DLG1: variants seen among roughly 807,000 people sequenced by gnomAD.
The protein encoded by DLG1 is disks large homolog 1.
A neutral mutation model predicts 123.4 loss-of-function variants in DLG1; 42 were observed. That is an observed-to-expected ratio of 0.34 (90% CI 0.27 to 0.44). DLG1 has a LOEUF of 0.44. Among genes scored for constraint, DLG1 ranks in the 20% least tolerant of loss-of-function variants. The probability of loss-of-function intolerance (pLI) is 1.00; values close to 1 mark genes in which losing one functional copy is unlikely to be tolerated. For missense variants in DLG1, 942 were observed against 1,082.6 expected (o/e 0.87, Z 1.82); for synonymous variants, 317 against 356.2 (o/e 0.89, Z 1.24).
chr3:197,097,679 C>G (rs1253684406), intron 14 of DLG1, among the ~76,000 whole-genome samples: 1 of 147,774 alleles, frequency 6.8e-6, no homozygotes, highest in Non-Finnish European at 1.5e-5. Context: ...CTCCTGGGTT[C>G]AAGTGATTCT....
intron 4 of DLG1, among the ~76,000 whole-genome samples, chr3:197,206,724 A>G (rs1728703020): frequency 6.6e-6 from 1 of 152,208 alleles, no homozygotes; most frequent in African/African-American, 2.4e-5. Flanking sequence ...GATACAAGAA[A>G]AAAAACTATG....
At chr3:197,290,610 T>TA (rs965836408) in intron 3 of DLG1, among the ~76,000 whole-genome samples, 5 of 151,584 alleles carry the variant, frequency 3.3e-5, no homozygotes, top group African/African-American at 1.2e-4. Context: ...AAAATTATAT[T>TA]AAAAAAAAGT....
chr3:197,290,897 T>TAAACAA (rs1774518350), intron 3 of DLG1, among the ~76,000 whole-genome samples: 1 of 87,970 alleles, frequency 1.1e-5, no homozygotes, highest in Non-Finnish European at 2.1e-5. Flanking sequence ...CTCCAAATAG[T>TAAACAA]AAAAAAAAAA....
chr3:197,292,465 G>A (rs909234323), intron 3 of DLG1, among the ~76,000 whole-genome samples: 11 of 152,320 alleles, frequency 7.2e-5, no homozygotes, highest in African/African-American at 2.6e-4. Flanking sequence ...GAGGAAAGGG[G>A]AGCAGTTGTT....
intron 23 of DLG1, 56 bp from the exon 24 acceptor site, chr3:197,051,724 A>C: frequency 7.3e-6 from 10 of 1,364,436 alleles, no homozygotes; most frequent in Non-Finnish European, 9.3e-6. Context: ...TTTTAAAAAA[A>C]AGATGGCAAA....
chr3:197,147,432 GCACACACACACACACA>G lies in DLG1; in HGVS notation c.537+2295_537+2310del, dbSNP rs67643945. 3.0e-3 allele frequency among the ~76,000 whole-genome samples: 448 copies of G among 147,194 alleles called. 4 individuals carry two copies. The highest frequency in any genetic ancestry group is 6.1e-3 in the African/African-American group (242 of 39,702). ...TGAGTGGATAAAAAATATATGGTGTGCACACACACACACACACACACACACACACACACACACACCA... is the reference window on the plus strand; with the variant it reads ...TGAGTGGATAAAAAATATATGGTGTGCACACACACACACACACACACACCA... On this transcript the variant is annotated intron_variant, in intron 6 of 24. Transcript: ENST00000667157.
intron 23 of DLG1, among the ~76,000 whole-genome samples, chr3:197,056,710 C>CT (rs1731920531): frequency 1.3e-5 from 2 of 152,140 alleles, no homozygotes; most frequent in African/African-American, 4.8e-5. Context: ...TTAGAAAAAT[C>CT]GTATCATACA....
At chr3:197,186,159 A>G (rs1184578215) in intron 5 of DLG1, among the ~76,000 whole-genome samples, 1 of 152,210 alleles carries the variant, frequency 6.6e-6, no homozygotes, top group African/African-American at 2.4e-5. Context: ...ATTGGCCAGT[A>G]GTCAGTATAT....
intron 4 of DLG1, among the ~76,000 whole-genome samples, chr3:197,279,551 T>C (rs973669858): frequency 1.1e-4 from 17 of 152,176 alleles, no homozygotes; most frequent in Non-Finnish European, 4.4e-5. Context: ...CCATATTCTC[T>C]TCTCATCTAC....
At chr3:197,283,113 A>G (rs1249653326) in intron 3 of DLG1, among the ~76,000 whole-genome samples, 1 of 152,242 alleles carries the variant, frequency 6.6e-6, no homozygotes, top group Non-Finnish European at 1.5e-5. Context: ...CCAACTAGCT[A>G]CAAGTTCAGG....
In DLG1 at chr3:197,126,228, C is replaced by T. The variant is rs149739838; in HGVS notation, c.1165+4299G>A. Among the ~76,000 whole-genome samples the T allele has an allele frequency of 1.7e-4, 26 of 152,146 alleles. No homozygotes were observed. In the South Asian group the frequency reaches 2.5e-3, roughly 15 times the overall value. On this transcript the variant is annotated intron_variant, in intron 11 of 24. Transcript: ENST00000667157. Reference sequence around the variant, plus strand: ...CGGTGGCTCATGCCTATAATCCCAGCGCTTTGGGAGGCCGAAGTGGGTGGA... The same window carrying T: ...CGGTGGCTCATGCCTATAATCCCAGTGCTTTGGGAGGCCGAAGTGGGTGGA...
At chr3:197,081,484 T>A (rs1443745386) in intron 16 of DLG1, among the ~76,000 whole-genome samples, 1 of 152,214 alleles carries the variant, frequency 6.6e-6, no homozygotes, top group Non-Finnish European at 1.5e-5. Context: ...AAAATTAAGC[T>A]AGAGAAAGCA....
chr3:197,084,775 T>G (rs941504990), intron 16 of DLG1, among the ~76,000 whole-genome samples: 27 of 151,252 alleles, frequency 1.8e-4, no homozygotes, highest in Non-Finnish European at 2.2e-4. Context: ...TTTATATATA[T>G]AGATAGATAT....
Position 197,071,681 on chromosome 3 carries a change from T to C in DLG1, c.2006-2421A>G, listed in dbSNP as rs994496708. On this transcript the variant is annotated intron_variant, in intron 18 of 24. Coordinates refer to ENST00000667157, the MANE Select transcript of DLG1 (RefSeq NM_001366207.1). ...GACAGTCAAATAACCAATAAACATATAGAAAAGTGTTCAAGTTAATTACTT... is the reference window on the plus strand; with the variant it reads ...GACAGTCAAATAACCAATAAACATACAGAAAAGTGTTCAAGTTAATTACTT... Among the ~76,000 whole-genome samples, 7 of 152,148 alleles carry C rather than the reference T, an allele frequency of 4.6e-5. No individual in the cohort carries two copies. The East Asian group carries it at 5.8e-4, about 13-fold the overall frequency.
At chr3:197,282,430 T>C (rs1475873643) in intron 4 of DLG1, among the ~76,000 whole-genome samples, 3 of 152,356 alleles carry the variant, frequency 2.0e-5, no homozygotes, top group Non-Finnish European at 2.9e-5. Flanking sequence ...ATGCAAAGAA[T>C]TTTTTAATAG....
chr3:197,214,430 G>A (rs529089065), intron 4 of DLG1, among the ~76,000 whole-genome samples: 10 of 152,064 alleles, frequency 6.6e-5, no homozygotes, highest in Admixed American at 2.6e-4. Context: ...AAAAGTAGCC[G>A]GGCGTGGTGG....
At chr3:197,114,896 C>T (rs1267460586) in intron 13 of DLG1, among the ~76,000 whole-genome samples, 2 of 147,328 alleles carry the variant, frequency 1.4e-5, no homozygotes, top group African/African-American at 5.0e-5. Context: ...AGGAGAATGG[C>T]ATGAACCCGG....
intron 13 of DLG1, among the ~76,000 whole-genome samples, chr3:197,106,158 C>A (rs572862851): frequency 1.1e-4 from 17 of 152,344 alleles, no homozygotes; most frequent in African/African-American, 4.1e-4. Context: ...GTTATCCCAG[C>A]ACTTTGGGAA....
chr3:197,138,165 G>A (rs986692021), intron 9 of DLG1, 57 bp downstream of exon 9: 6 of 1,084,992 alleles, frequency 5.5e-6, no homozygotes, highest in Non-Finnish European at 7.6e-6. Context: ...AAAGTTCATA[G>A]GTATATTTAA....
Sources: gnomAD v4.1 joint callset for allele counts (sites outside exome capture counted in the v4.1 genomes callset) on GRCh38, gnomAD v4.1.1 for gene constraint, MANE v1.5 for transcripts, NCBI Gene and HGNC (gene_info 2026-07-23, HGNC 2026-07-21) for gene names.